Variants in MNS1 observed in about 807,000 individuals in gnomAD.
MNS1 encodes the protein meiosis specific nuclear structural 1.
In MNS1, 63 loss-of-function variants were observed where a neutral mutation model predicts 72.0. The observed-to-expected ratio is 0.87, with a 90% confidence interval of 0.71 to 1.08. The LOEUF (loss-of-function observed/expected upper bound fraction) is 1.08, where lower values mean the gene tolerates loss of function less well. Ranked by LOEUF, MNS1 falls within the 50% of genes least tolerant of loss-of-function variation. The probability of loss-of-function intolerance (pLI) is 0.00; values close to 1 mark genes in which losing one functional copy is unlikely to be tolerated. For missense variants in MNS1, 604 were observed against 562.4 expected (o/e 1.07, Z -0.75); for synonymous variants, 188 against 172.1 (o/e 1.09, Z -0.72).
chr15:56,445,348 A>C (rs1362250592), intron 4 of MNS1, among the ~76,000 whole-genome samples: 1 of 152,038 alleles, frequency 6.6e-6, no homozygotes, highest in East Asian at 1.9e-4. Context: ...TTTTCAAATC[A>C]TTTAATAAAA....
intron 9 of MNS1, 40 bp downstream of exon 9, chr15:56,431,333 C>A: frequency 6.3e-7 from 1 of 1,597,612 alleles, no homozygotes; most frequent in Non-Finnish European, 8.5e-7. Context: ...TTCACTATTA[C>A]AGGTCATGAA....
intron 7 of MNS1, among the ~76,000 whole-genome samples, chr15:56,436,007 A>G (rs1210567333): frequency 1.3e-5 from 2 of 152,066 alleles, no homozygotes; most frequent in Non-Finnish European, 2.9e-5. Context: ...TCAATGTAAT[A>G]TACTTGGCTA....
chr15:56,436,289 A>T (rs901093216), intron 7 of MNS1, among the ~76,000 whole-genome samples: 1 of 152,250 alleles, frequency 6.6e-6, no homozygotes, highest in African/African-American at 2.4e-5. Flanking sequence ...ACTAGAACTC[A>T]GGATTAAGAA....
intron 8 of MNS1, 66 bp from the exon 9 acceptor site, chr15:56,431,564 AACT>A: frequency 2.6e-6 from 4 of 1,532,644 alleles, no homozygotes; most frequent in Non-Finnish European, 3.6e-6. Context: ...TTTCAAATAA[AACT>A]ACTCATGCAA....
At chr15:56,453,224 AT>A (rs1229837796) in intron 3 of MNS1, among the ~76,000 whole-genome samples, 4 of 152,170 alleles carry the variant, frequency 2.6e-5, no homozygotes, top group Admixed American at 2.0e-4. Context: ...CATAATAAAT[AT>A]TTTATACATT....
intron 7 of MNS1, among the ~76,000 whole-genome samples, chr15:56,443,061 T>C (rs67347418): frequency 0.31 from 46,505 of 152,054 alleles, 7,997 homozygotes; most frequent in Middle Eastern, 0.49. Context: ...TACTGTATTA[T>C]CATGAATTGC....
chr15:56,452,285 G>C (rs1428384952), intron 3 of MNS1, among the ~76,000 whole-genome samples: 3 of 152,098 alleles, frequency 2.0e-5, no homozygotes, highest in African/African-American at 7.2e-5. Flanking sequence ...GAGAAAACTA[G>C]GTGCAAAAGG....
In MNS1 at chr15:56,435,048, A is replaced by G. The variant is rs969299453; in HGVS notation, c.1012-653T>C. 3.3e-5 allele frequency among the ~76,000 whole-genome samples: 5 copies of G among 152,218 alleles called. No homozygotes were observed. The East Asian group carries it at 9.6e-4, about 29-fold the overall frequency. The stretch of plus-strand genomic sequence containing the variant: ...AATTTTACAATGGTCACTCACTTCT[A>G]AATAATTCATGGGCCAAAGAGGGAA... On this transcript the variant is annotated intron_variant, in intron 7 of 9. Coordinates refer to ENST00000260453, the MANE Select transcript of MNS1 (RefSeq NM_018365.4).
intron 4 of MNS1, among the ~76,000 whole-genome samples, chr15:56,445,128 T>C (rs2050885408): frequency 6.6e-6 from 1 of 152,036 alleles, no homozygotes; most frequent in Non-Finnish European, 1.5e-5. Context: ...TTTGAGCAGC[T>C]CTTAAGTTTC....
chr15:56,456,618 G>A (rs1206398500), intron 2 of MNS1, 97 bp from the exon 3 acceptor site: 4 of 1,180,614 alleles, frequency 3.4e-6, no homozygotes, highest in Non-Finnish European at 4.8e-6. Flanking sequence ...AATGCCTTAA[G>A]GCCAACAATT....
chr15:56,454,582 A>G (rs1464100820), intron 3 of MNS1, among the ~76,000 whole-genome samples: 1 of 151,922 alleles, frequency 6.6e-6, no homozygotes, highest in Admixed American at 6.6e-5. Flanking sequence ...CTGCTTTTTT[A>G]TGATTTTCTA....
intron 7 of MNS1, among the ~76,000 whole-genome samples, chr15:56,443,128 C>T (rs937633949): frequency 6.6e-6 from 1 of 152,126 alleles, no homozygotes; most frequent in Non-Finnish European, 1.5e-5. Context: ...CTACTTTTGA[C>T]TAGTGTCTGT....
At chr15:56,445,011 A>G (rs1047796312) in intron 4 of MNS1, among the ~76,000 whole-genome samples, 2 of 152,058 alleles carry the variant, frequency 1.3e-5, no homozygotes, top group African/African-American at 4.8e-5. Context: ...TTATTATTCT[A>G]TTTATAAACT....
At chr15:56,462,769 G>A (rs1348236479) in intron 2 of MNS1, among the ~76,000 whole-genome samples, 1 of 152,196 alleles carries the variant, frequency 6.6e-6, no homozygotes, top group Non-Finnish European at 1.5e-5. Flanking sequence ...TCACAGAAAT[G>A]TGTTTATGGA....
At chr15:56,440,766 T>C (rs539177700) in intron 7 of MNS1, among the ~76,000 whole-genome samples, 23 of 152,218 alleles carry the variant, frequency 1.5e-4, no homozygotes, top group Non-Finnish European at 2.8e-4. Flanking sequence ...AGGCACATAC[T>C]TTTAAATTTA....
chr15:56,437,572 C>T (rs1174756763), intron 7 of MNS1, among the ~76,000 whole-genome samples: 1 of 152,198 alleles, frequency 6.6e-6, no homozygotes, highest in Non-Finnish European at 1.5e-5. Context: ...GGGATGCCCT[C>T]TCTCACCACT....
chr15:56,428,819 T>A lies in MNS1; in HGVS notation c.*282A>T, dbSNP rs546914444. ...AAGGCAGTTCACTTTGGGGTAGAGTTCTGTATTAGTCAAGGTAAATATACT... is the reference window on the plus strand; with the variant it reads ...AAGGCAGTTCACTTTGGGGTAGAGTACTGTATTAGTCAAGGTAAATATACT... On this transcript the variant is annotated 3_prime_UTR_variant, in exon 10 of 10. Coordinates refer to ENST00000260453, the MANE Select transcript of MNS1 (RefSeq NM_018365.4). 2.7e-6 allele frequency: 1 copy of A among 376,552 alleles called. No individual in the cohort carries two copies. The highest frequency in any genetic ancestry group is 2.1e-5 in the African/African-American group (1 of 47,852). The allele number at this position is 376,552 out of a possible 1,614,324, so 23.3% of individuals were successfully genotyped here. A position where few individuals can be genotyped will look rare whatever the true frequency, so the allele number is the denominator to read the frequency against.
chr15:56,453,065 A>C (rs1392199593), intron 3 of MNS1, among the ~76,000 whole-genome samples: 1 of 152,166 alleles, frequency 6.6e-6, no homozygotes, highest in African/African-American at 2.4e-5. Context: ...AATTTTTATT[A>C]CAGATATTAC....
chr15:56,451,578 C>T (rs1416559759), intron 3 of MNS1, among the ~76,000 whole-genome samples: 4 of 152,128 alleles, frequency 2.6e-5, no homozygotes, highest in African/African-American at 9.7e-5. Flanking sequence ...TCCAATCCTG[C>T]AACTTTTAGT....
Sources: gnomAD v4.1 joint callset for allele counts (sites outside exome capture counted in the v4.1 genomes callset) on GRCh38, gnomAD v4.1.1 for gene constraint, MANE v1.5 for transcripts, NCBI Gene and HGNC (gene_info 2026-07-23, HGNC 2026-07-21) for gene names.